Variants in ZNF366 observed in about 807,000 individuals in gnomAD.
ZNF366 encodes the protein dendritic cell-specific transcript protein.
In ZNF366, 20 loss-of-function variants were observed where a neutral mutation model predicts 47.2. The ratio of observed to expected loss-of-function variants is 0.42; its 90% confidence interval spans 0.30 to 0.62. The LOEUF (loss-of-function observed/expected upper bound fraction) is 0.62. ZNF366 is among the 20% of genes least tolerant of loss of function. ZNF366 has a pLI of 0.16. For missense variants in ZNF366, 987 were observed against 976.3 expected (o/e 1.01, Z -0.15); for synonymous variants, 421 against 395.1 (o/e 1.07, Z -0.78).
chr5:72,501,104 A>G (rs1029893465), intron 1 of ZNF366, among the ~76,000 whole-genome samples: 1 of 152,156 alleles, frequency 6.6e-6, no homozygotes, highest in Non-Finnish European at 1.5e-5. Context: ...GTACTTGAGA[A>G]TGGGGTAAGT....
chr5:72,456,732 G>T, intron 2 of ZNF366, 137 bp from the exon 3 acceptor site: 3 of 819,446 alleles, frequency 3.7e-6, no homozygotes, highest in Non-Finnish European at 5.3e-6. Context: ...AAATGGTGTA[G>T]CTTCAGCCTT....
chr5:72,483,702 C>A (rs1346460554), intron 1 of ZNF366, among the ~76,000 whole-genome samples: 2 of 152,156 alleles, frequency 1.3e-5, no homozygotes, highest in Non-Finnish European at 2.9e-5. Context: ...TGATCCTAAA[C>A]TGTACCAAGG....
At chr5:72,489,330 A>T (rs896183903) in intron 1 of ZNF366, among the ~76,000 whole-genome samples, 1 of 152,238 alleles carries the variant, frequency 6.6e-6, no homozygotes, top group Non-Finnish European at 1.5e-5. Context: ...TAGGGCCCAA[A>T]GGTAAGATGA....
intron 1 of ZNF366, 83 bp downstream of exon 1, chr5:72,507,168 G>C: frequency 1.0e-6 from 1 of 954,378 alleles, no homozygotes; most frequent in South Asian, 4.8e-5. Context: ...TCCCAGTAAG[G>C]TATTTTCTGT....
At chr5:72,492,904 C>T (rs1008352645) in intron 1 of ZNF366, among the ~76,000 whole-genome samples, 3 of 152,158 alleles carry the variant, frequency 2.0e-5, no homozygotes, top group South Asian at 2.1e-4. Context: ...AAATTCTTCC[C>T]GCCTGATCCC....
At chr5:72,466,260 A>G (rs773793019) in intron 1 of ZNF366, among the ~76,000 whole-genome samples, 6 of 152,232 alleles carry the variant, frequency 3.9e-5, no homozygotes, top group Non-Finnish European at 7.3e-5. Context: ...CCATGTAGTT[A>G]AAGAATACCT....
At chr5:72,452,410 CG>C (rs773681428) in intron 3 of ZNF366, among the ~76,000 whole-genome samples, 5 of 152,212 alleles carry the variant, frequency 3.3e-5, no homozygotes, top group Non-Finnish European at 7.3e-5. Context: ...GCAGTTCATA[CG>C]GCTATATCCT....
chr5:72,486,525 C>T (rs538150562), intron 1 of ZNF366, among the ~76,000 whole-genome samples: 1 of 152,224 alleles, frequency 6.6e-6, no homozygotes, highest in African/African-American at 2.4e-5. Flanking sequence ...CCACAACATT[C>T]TCTCCCTTCC....
intron 4 of ZNF366, among the ~76,000 whole-genome samples, chr5:72,444,607 A>ATT (rs752172108): frequency 6.2e-4 from 86 of 138,528 alleles, no homozygotes; most frequent in Non-Finnish European, 1.1e-3. Flanking sequence ...GCATATCACC[A>ATT]TATTTTTTTT....
intron 1 of ZNF366, among the ~76,000 whole-genome samples, chr5:72,494,901 C>A (rs1744081187): frequency 6.6e-6 from 1 of 152,126 alleles, no homozygotes; most frequent in African/African-American, 2.4e-5. Flanking sequence ...TAATTTAAGG[C>A]ACATTTATCA....
At chr5:72,465,098 G>C (rs914040410) in intron 1 of ZNF366, among the ~76,000 whole-genome samples, 1 of 152,108 alleles carries the variant, frequency 6.6e-6, no homozygotes, top group African/African-American at 2.4e-5. Context: ...GATCTATCCA[G>C]GGAAATTTTT....
chr5:72,444,426 G>A, intron 4 of ZNF366, 135 bp from the exon 5 acceptor site: 3 of 1,060,740 alleles, frequency 2.8e-6, no homozygotes, highest in South Asian at 1.7e-5. Flanking sequence ...CAGTAAGGAT[G>A]TGGTCTTGGG....
In ZNF366 at chr5:72,461,322, G is replaced by T. The variant is rs1239451087; in HGVS notation, c.175C>A (p.Pro59Thr). ...RGPFSQFRYE[P>T]PPGDLDGFPG... ...AACCCATCTAGGTCTCCTGGGGGAG[G>T]TTCATACCGAAACTGGGAAAATGGC... The change falls in exon 2 of 5, where the codon CCT (proline) becomes ACT (threonine). Residue 59 changes from proline to threonine, a missense_variant. By Grantham distance (38) the Pro-to-Thr change is conservative. Transcript: ENST00000318442. The T allele has an allele frequency of 1.1e-5, 17 of 1,614,024 alleles. No homozygotes were observed. Among genetic ancestry groups the T allele is most frequent in the Non-Finnish European group, 1.4e-5 (17 of 1,180,024 alleles).
Position 72,461,108 on chromosome 5 carries a change from T to C in ZNF366, c.389A>G (p.Asp130Gly). Residue 130 changes from aspartate to glycine, a missense_variant, in exon 2 of 5, where the codon GAC (aspartate) becomes GGC (glycine). Physicochemically the swap from Asp to Gly is moderately conservative, Grantham distance 94. Around this residue, in one of 3 missense-constraint regions of ZNF366, gnomAD observed 591 missense variants for 560.9 expected, o/e 1.05. Coordinates refer to ENST00000318442, the MANE Select transcript of ZNF366 (RefSeq NM_152625.3). ...PRPKYDSQMI[D>G]LCNVGFQFYR... ...GAATTGGAAGCCCACGTTGCACAGG[T>C]CGATCATCTGAGAGTCATACTTGGG... is the stretch of plus-strand genomic sequence containing the variant. The C allele has an allele frequency of 3.1e-6, 5 of 1,613,860 alleles. No homozygotes were observed. Among genetic ancestry groups the C allele is most frequent in the South Asian group, 1.1e-5 (1 of 91,060 alleles).
chr5:72,469,055 GTCCACCTC>G (rs2112335194), intron 1 of ZNF366, among the ~76,000 whole-genome samples: 1 of 152,220 alleles, frequency 6.6e-6, no homozygotes, highest in South Asian at 2.1e-4. Context: ...CCTTCATTTT[GTCCACCTC>G]TGGAAATGAC....
At chr5:72,464,646 T>A (rs899103830) in intron 1 of ZNF366, among the ~76,000 whole-genome samples, 5 of 152,240 alleles carry the variant, frequency 3.3e-5, no homozygotes, top group African/African-American at 4.8e-5. Flanking sequence ...TTTTTACGTA[T>A]CTTAATGTCA....
intron 1 of ZNF366, chr5:72,472,566 C>G: frequency 1.0e-6 from 1 of 985,236 alleles, no homozygotes; most frequent in Non-Finnish European, 1.2e-6. Context: ...ATTAAGAAAG[C>G]CAGTAAGTAT....
chr5:72,472,352 CT>C (rs906798255), intron 1 of ZNF366, among the ~76,000 whole-genome samples: 8 of 152,096 alleles, frequency 5.3e-5, no homozygotes, highest in Admixed American at 5.2e-4. Context: ...TCAAAATGTT[CT>C]TTTTTTGTGT....
intron 3 of ZNF366, among the ~76,000 whole-genome samples, chr5:72,453,322 C>T (rs1012551638): frequency 6.6e-6 from 1 of 152,238 alleles, no homozygotes; most frequent in African/African-American, 2.4e-5. Flanking sequence ...TGCCCAGCCA[C>T]GTCAATCACA....
Sources: allele counts gnomAD v4.1 joint callset (sites outside exome capture counted in the v4.1 genomes callset), GRCh38; gene constraint gnomAD v4.1.1; regional missense constraint gnomAD v4.1.1; transcripts MANE v1.5; gene names NCBI Gene and HGNC (gene_info 2026-07-23, HGNC 2026-07-21).